The following SPIDR variants were observed in gnomAD, a reference collection of about 807,000 sequenced individuals.
SPIDR encodes DNA repair-scaffolding protein.
In SPIDR, 93 loss-of-function variants were observed where a neutral mutation model predicts 104.6. That is an observed-to-expected ratio of 0.89 (90% confidence interval 0.75 to 1.06). The LOEUF is 1.06. Ranked by LOEUF, SPIDR falls within the 50% of genes least tolerant of loss-of-function variation. SPIDR has a pLI of 0.00. For missense variants in SPIDR, 1,154 were observed against 1,111.2 expected, an observed-to-expected ratio of 1.04 and a Z score of -0.55; for synonymous variants, 431 against 416.9, an observed-to-expected ratio of 1.03 and a Z score of -0.41.
intron 1 of SPIDR, among the ~76,000 whole-genome samples, chr8:47,268,172 G>A (rs1287527879): frequency 6.6e-6 from 1 of 152,118 alleles, no homozygotes; most frequent in Admixed American, 6.5e-5. Flanking sequence ...TTTGTTTCTG[G>A]TCTATGAATT....
At position 47,291,129 on chromosome 8, in the gene SPIDR, T is replaced by G; in HGVS notation, c.353T>G (p.Leu118Ter). 1 of 1,609,484 alleles carries G rather than the reference T, an allele frequency of 6.2e-7. No individual in the cohort carries two copies. The highest frequency in any genetic ancestry group is 1.1e-5 in the South Asian group (1 of 90,332). Residue 118 changes from leucine to a stop codon, truncating the protein, a stop_gained, in exon 4 of 20, where the codon TTA (leucine) becomes TGA (stop). Transcript: ENST00000297423. LOFTEE classifies it high-confidence loss of function. ...GATGAAGATAAGACACTTTCTCAGTTACAGAGAGGTAATGGACATTGCTCT... is the reference window on the plus strand; with the variant it reads ...GATGAAGATAAGACACTTTCTCAGTGACAGAGAGGTAATGGACATTGCTCT... The part of the protein sequence containing the change: ...LSDEDKTLSQ[L>*]QRDELQFIDW...
intron 5 of SPIDR, among the ~76,000 whole-genome samples, chr8:47,385,489 C>T (rs1371667215): frequency 6.6e-6 from 1 of 152,162 alleles, no homozygotes. Context: ...AATGAATAGA[C>T]CCTGTAAGAG....
chr8:47,367,928 G>A (rs1193937788), intron 5 of SPIDR, among the ~76,000 whole-genome samples: 5 of 152,162 alleles, frequency 3.3e-5, no homozygotes, highest in South Asian at 4.1e-4. Flanking sequence ...ATTGTAGGAC[G>A]ATGCTTGTTA....
chr8:47,283,982 T>C, intron 2 of SPIDR, 46 bp from the exon 3 acceptor site: 2 of 1,439,482 alleles, frequency 1.4e-6, no homozygotes, highest in Non-Finnish European at 1.9e-6. Context: ...AAAGTTTTTT[T>C]TTAGCATTTG....
At chr8:47,580,281 A>G (rs2059578949) in intron 8 of SPIDR, among the ~76,000 whole-genome samples, 1 of 152,250 alleles carries the variant, frequency 6.6e-6, no homozygotes, top group East Asian at 1.9e-4. Flanking sequence ...TTTGCTAAAC[A>G]ATAGACAACA....
At position 47,704,493 on chromosome 8, in the gene SPIDR, C is replaced by T. The variant is rs1642036866; in HGVS notation, c.1977+2478C>T. ...CTGGTGCTTCCTGGCTCCACGGTCC[C>T]TCAGTTACCTGGTGCCCTGGGGGTG... On this transcript the variant is annotated intron_variant, in intron 14 of 19. Coordinates refer to ENST00000297423, the MANE Select transcript of SPIDR (RefSeq NM_001080394.4). 2.0e-5 allele frequency among the ~76,000 whole-genome samples: 3 copies of T among 152,152 alleles called. No homozygotes were observed. In the South Asian group the frequency reaches 6.2e-4, roughly 32 times the overall value.
intron 8 of SPIDR, chr8:47,547,663 C>G (rs2089661379): frequency 6.3e-6 from 1 of 158,096 alleles, no homozygotes; most frequent in African/African-American, 2.4e-5. Context: ...GATCTCTTGA[C>G]CTCGTGATCC....
intron 16 of SPIDR, among the ~76,000 whole-genome samples, chr8:47,720,160 G>A (rs1328868556): frequency 6.6e-6 from 1 of 152,192 alleles, no homozygotes; most frequent in Admixed American, 6.5e-5. Context: ...ATGCATTTAA[G>A]GTTCCTCCAC....
At chr8:47,733,139 C>G (rs1178555922) in intron 19 of SPIDR, among the ~76,000 whole-genome samples, 1 of 152,236 alleles carries the variant, frequency 6.6e-6, no homozygotes, top group African/African-American at 2.4e-5. Flanking sequence ...GTAATCCCAG[C>G]ACTTTGGGAG....
At chr8:47,330,694 T>G in intron 5 of SPIDR, 1 of 445,736 alleles carries the variant, frequency 2.2e-6, no homozygotes, top group South Asian at 1.6e-5. Context: ...GATAACTTAT[T>G]TCTTTTCAGC....
At chr8:47,658,333 G>A (rs1159630459) in intron 10 of SPIDR, among the ~76,000 whole-genome samples, 3 of 150,956 alleles carry the variant, frequency 2.0e-5, no homozygotes, top group African/African-American at 7.3e-5. Context: ...TAGGAGAATC[G>A]CTTGAACCCA....
At chr8:47,520,159 C>CTTATAAGT (rs983619539) in intron 8 of SPIDR, among the ~76,000 whole-genome samples, 2 of 152,110 alleles carry the variant, frequency 1.3e-5, no homozygotes, top group African/African-American at 2.4e-5. Context: ...TTCCTGAAAA[C>CTTATAAGT]TTATAAACAG....
rs541192943 is a variant in SPIDR, at chr8:47,650,076, C to T, written c.1545-23725C>T. ...GACAAGGATGCCCACTGTCACCCTT[C>T]TATTCAACATAGTACTGGGAGTGCT... is the stretch of plus-strand genomic sequence containing the variant. On this transcript the variant is annotated intron_variant, in intron 10 of 19. Coordinates refer to ENST00000297423, the MANE Select transcript of SPIDR (RefSeq NM_001080394.4). Among the ~76,000 whole-genome samples, 3 of 152,284 alleles carry T rather than the reference C, an allele frequency of 2.0e-5. No individual in the cohort carries two copies. In the South Asian group the frequency reaches 6.2e-4, roughly 32 times the overall value.
intron 8 of SPIDR, among the ~76,000 whole-genome samples, chr8:47,501,357 A>C (rs969519724): frequency 3.3e-5 from 5 of 152,130 alleles, no homozygotes; most frequent in East Asian, 1.9e-4. Flanking sequence ...GAGGTCCTTC[A>C]CATCCCTTGT....
intron 5 of SPIDR, among the ~76,000 whole-genome samples, chr8:47,319,369 G>C (rs936908175): frequency 1.8e-4 from 27 of 152,312 alleles, no homozygotes; most frequent in East Asian, 1.2e-3. Flanking sequence ...TAATGGTAAA[G>C]GGATCAATTC....
intron 8 of SPIDR, among the ~76,000 whole-genome samples, chr8:47,519,474 A>C (rs2083687004): frequency 6.6e-6 from 1 of 152,144 alleles, no homozygotes; most frequent in African/African-American, 2.4e-5. Context: ...CCCATAACAA[A>C]GTTTTTTAAA....
chr8:47,366,598 T>G (rs187298461), intron 5 of SPIDR, among the ~76,000 whole-genome samples: 151,400 of 152,318 alleles, frequency 0.99, 75,252 homozygotes, highest in Middle Eastern at 1. Context: ...ATGTTAAAGA[T>G]AACATAGAGT....
intron 8 of SPIDR, among the ~76,000 whole-genome samples, chr8:47,531,749 T>C (rs2086037498): frequency 6.6e-6 from 1 of 152,220 alleles, no homozygotes; most frequent in Non-Finnish European, 1.5e-5. Flanking sequence ...CAGGACAACA[T>C]TACTAGGCAG....
intron 5 of SPIDR, chr8:47,357,899 A>G (rs781967064): frequency 1.2e-5 from 12 of 981,350 alleles, no homozygotes; most frequent in Non-Finnish European, 1.3e-5. Context: ...AGAGCATTAA[A>G]TAAGAAGTAC....
Sources: gnomAD v4.1 joint callset for allele counts (sites outside exome capture counted in the v4.1 genomes callset) on GRCh38, gnomAD v4.1.1 for gene constraint, MANE v1.5 for transcripts, NCBI Gene and HGNC (gene_info 2026-07-23, HGNC 2026-07-21) for gene names.